KLHDC4: variants seen among roughly 807,000 people sequenced by gnomAD.
KLHDC4 encodes kelch domain-containing protein 4.
A neutral mutation model predicts 62.4 loss-of-function variants in KLHDC4; 90 were observed. The ratio of observed to expected loss-of-function variants is 1.44; its 90% CI spans 1.22 to 1.72. The LOEUF (loss-of-function observed/expected upper bound fraction) is 1.72, where lower values mean the gene tolerates loss of function less well. KLHDC4 is among the 40% of genes most tolerant of loss of function. KLHDC4 has a pLI of 0.00. For missense variants in KLHDC4, 1,025 were observed against 699.7 expected, an observed-to-expected ratio of 1.47 and a Z score of -5.25; for synonymous variants, 386 against 284.4, an observed-to-expected ratio of 1.36 and a Z score of -3.59.
chr16:87,700,894 C>G (rs111415082), exon 1 of KLHDC4: 4 of 247,726 alleles, frequency 1.6e-5, no homozygotes, highest in African/African-American at 2.4e-5. Flanking sequence ...AGGGAGGAAG[C>G]TGGAGGGCGG....
At chr16:87,733,890 C>T (rs2040830689) in intron 5 of KLHDC4, among the ~76,000 whole-genome samples, 1 of 152,270 alleles carries the variant, frequency 6.6e-6, no homozygotes, top group Admixed American at 6.5e-5. Context: ...GTCACAGCAA[C>T]TCTGGGCTGC....
intron 5 of KLHDC4, among the ~76,000 whole-genome samples, chr16:87,737,398 G>A (rs553039803): frequency 6.6e-6 from 1 of 152,042 alleles, no homozygotes; most frequent in South Asian, 2.1e-4. Context: ...GACCAGCCTG[G>A]CCAACATGGT....
At chr16:87,755,451 T>C (rs550632324) in intron 3 of KLHDC4, 159 bp from the exon 4 acceptor site, 90 of 516,960 alleles carry the variant, frequency 1.7e-4, no homozygotes, top group African/African-American at 6.8e-4. Context: ...CCCGGGGCCA[T>C]TGGGGATGAC....
chr16:87,758,482 A>C (rs1236434274), intron 2 of KLHDC4, among the ~76,000 whole-genome samples: 4 of 152,204 alleles, frequency 2.6e-5, no homozygotes, highest in Non-Finnish European at 5.9e-5. Context: ...CTTACGCAAA[A>C]TACCTAGAAT....
At chr16:87,752,487 C>A (rs370155795) in intron 4 of KLHDC4, among the ~76,000 whole-genome samples, 4 of 151,958 alleles carry the variant, frequency 2.6e-5, no homozygotes, top group African/African-American at 9.7e-5. Context: ...CAGGCACGCG[C>A]CACGACGCCC....
At chr16:87,714,243 T>C (rs1208491129) in intron 8 of KLHDC4, among the ~76,000 whole-genome samples, 1 of 152,198 alleles carries the variant, frequency 6.6e-6, no homozygotes, top group African/African-American at 2.4e-5. Flanking sequence ...CAGAGGGCTG[T>C]CTGCAGGGTA....
chr16:87,745,534 G>C (rs569357214), intron 5 of KLHDC4, among the ~76,000 whole-genome samples: 1 of 152,202 alleles, frequency 6.6e-6, no homozygotes, highest in Non-Finnish European at 1.5e-5. Flanking sequence ...GTTTCATATG[G>C]GCAAATCCAT....
intron 7 of KLHDC4, among the ~76,000 whole-genome samples, chr16:87,725,705 G>A (rs538967622): frequency 1.3e-5 from 2 of 152,300 alleles, no homozygotes; most frequent in South Asian, 2.1e-4. Context: ...TGTGCCAGCC[G>A]CCTCTGTGAA....
At chr16:87,758,108 T>C (rs940463046) in intron 2 of KLHDC4, among the ~76,000 whole-genome samples, 4 of 152,178 alleles carry the variant, frequency 2.6e-5, no homozygotes, top group Admixed American at 6.5e-5. Flanking sequence ...ATCTGAGAAC[T>C]CTATTTTCTA....
chr16:87,714,491 C>T lies in KLHDC4; in HGVS notation c.835+7G>A, dbSNP rs757246900. On this transcript the variant is annotated splice_region_variant and intron_variant, in intron 8 of 11. Coordinates refer to ENST00000270583, the MANE Select transcript of KLHDC4 (RefSeq NM_017566.4). ...CAGCTCCCGCCCTGGAGGCACAGCA[C>T]CTCTACCTTCTCTTCCGTCCTCTGG... is the stretch of plus-strand genomic sequence containing the variant. 1.9e-6 allele frequency: 3 copies of T among 1,614,116 alleles called. No individual in the cohort carries two copies. The South Asian group carries it at 3.3e-5, about 18-fold the overall frequency.
chr16:87,709,797 G>A (rs1199069621), intron 9 of KLHDC4, 130 bp from the exon 10 acceptor site: 1 of 1,143,444 alleles, frequency 8.7e-7, no homozygotes, highest in South Asian at 1.6e-5. Flanking sequence ...GACCCAGGAA[G>A]GCGCCATCCC....
At chr16:87,754,008 C>T (rs1444918706) in intron 4 of KLHDC4, among the ~76,000 whole-genome samples, 1 of 149,668 alleles carries the variant, frequency 6.7e-6, no homozygotes, top group East Asian at 2.0e-4. Context: ...GACGTGGTGG[C>T]ATGTGCCTGT....
At chr16:87,755,756 G>A (rs369054451) in intron 3 of KLHDC4, 1 of 172,042 alleles carries the variant, frequency 5.8e-6, no homozygotes, top group African/African-American at 2.4e-5. Flanking sequence ...GCAGAGACTG[G>A]GTTTCACCAC....
At chr16:87,714,345 GCCCACCCCGAAAT>G in intron 8 of KLHDC4, 140 bp downstream of exon 8, 3 of 126,978 alleles carry the variant, frequency 2.4e-5, no homozygotes, top group Non-Finnish European at 1.6e-5. Flanking sequence ...GTCCCACCCG[GCCCACCCCGAAAT>G]GAGCCATCTC....
intron 1 of KLHDC4, among the ~76,000 whole-genome samples, chr16:87,764,301 G>T (rs984425445): frequency 6.6e-6 from 1 of 152,120 alleles, no homozygotes; most frequent in Non-Finnish European, 1.5e-5. Flanking sequence ...GGAAGCTACT[G>T]TTACAATCAC....
Position 87,708,003 on chromosome 16 carries a change from C to G in KLHDC4, c.*74G>C, listed in dbSNP as rs1251297835. On this transcript the variant is annotated 3_prime_UTR_variant, in exon 12 of 12. Coordinates refer to ENST00000270583, the MANE Select transcript of KLHDC4 (RefSeq NM_017566.4). ...TCAGGACGCACGCTGGCCCCAAGAG[C>G]TTCACTCAACACGGCTGGGTCCTGG... 1 of 489,218 alleles carries G rather than the reference C, an allele frequency of 2.0e-6. No individual in the cohort carries two copies. The highest frequency in any genetic ancestry group is 1.9e-5 in the African/African-American group (1 of 51,570). The allele number at this position is 489,218 out of a possible 1,614,324, so 30.3% of individuals were successfully genotyped here.
downstream of KLHDC4, among the ~76,000 whole-genome samples, chr16:87,706,548 G>A (rs80024432): frequency 7.8e-4 from 119 of 152,312 alleles, 1 homozygote; most frequent in African/African-American, 2.8e-3. Context: ...CCAGACAGGT[G>A]TCCCCACCAG....
chr16:87,734,199 G>C (rs2040881305), intron 5 of KLHDC4, among the ~76,000 whole-genome samples: 1 of 147,776 alleles, frequency 6.8e-6, no homozygotes, highest in African/African-American at 2.6e-5. Flanking sequence ...ACAGTAATTA[G>C]CTTGGCGTCG....
intron 7 of KLHDC4, among the ~76,000 whole-genome samples, chr16:87,715,397 C>G (rs767030204): frequency 1.3e-5 from 2 of 152,148 alleles, no homozygotes; most frequent in Non-Finnish European, 2.9e-5. Context: ...TGTGACGGAT[C>G]AGGAACCGGC....
Sources: allele counts gnomAD v4.1 joint callset (sites outside exome capture counted in the v4.1 genomes callset), GRCh38; gene constraint gnomAD v4.1.1; transcripts MANE v1.5; gene names NCBI Gene and HGNC (gene_info 2026-07-23, HGNC 2026-07-21).